The following GRIK2 variants were observed in gnomAD, a reference collection of about 807,000 sequenced individuals.
GRIK2 encodes glutamate ionotropic receptor kainate type subunit 2.
In GRIK2, 32 loss-of-function variants were observed where a neutral mutation model predicts 100.3. That is an observed-to-expected ratio of 0.32 (90% CI 0.24 to 0.43). The LOEUF (loss-of-function observed/expected upper bound fraction) is 0.43. Among genes scored for constraint, GRIK2 ranks in the 20% least tolerant of loss-of-function variants. GRIK2 has a pLI of 1.00. For synonymous variants in GRIK2, 417 were observed against 389.4 expected (o/e 1.07, Z -0.83); for missense variants, 843 against 1,114.9 (o/e 0.76, Z 3.47).
intron 2 of GRIK2, among the ~76,000 whole-genome samples, chr6:101,555,772 A>G (rs545459472): frequency 2.0e-5 from 3 of 152,266 alleles, no homozygotes; most frequent in East Asian, 3.9e-4. Flanking sequence ...TTTTGATTGC[A>G]TTACTCAATT....
chr6:101,685,047 C>T (rs917633452), intron 6 of GRIK2, among the ~76,000 whole-genome samples: 5 of 152,128 alleles, frequency 3.3e-5, no homozygotes, highest in Admixed American at 2.6e-4. Context: ...GTAGCATGTT[C>T]TGAGCCTCAT....
chr6:102,013,416 G>A (rs913398243), intron 14 of GRIK2, among the ~76,000 whole-genome samples: 9 of 151,972 alleles, frequency 5.9e-5, no homozygotes, highest in Non-Finnish European at 1.0e-4. Flanking sequence ...CTACTTGGGT[G>A]TCGTTTATTT....
intron 1 of GRIK2, among the ~76,000 whole-genome samples, chr6:101,397,084 A>G (rs911170115): frequency 7.9e-5 from 12 of 152,178 alleles, no homozygotes; most frequent in Non-Finnish European, 1.8e-4. Flanking sequence ...CATTATATTA[A>G]TGGAATACAT....
At chr6:101,812,908 A>G (rs1220472171) in intron 9 of GRIK2, among the ~76,000 whole-genome samples, 4 of 152,112 alleles carry the variant, frequency 2.6e-5, no homozygotes, top group East Asian at 1.9e-4. Flanking sequence ...AACAAAGTCT[A>G]TGTTCAGAAA....
chr6:101,684,082 G>A (rs920125272), intron 6 of GRIK2, among the ~76,000 whole-genome samples: 2 of 152,156 alleles, frequency 1.3e-5, no homozygotes, highest in African/African-American at 4.8e-5. Context: ...TATTCATGCA[G>A]TAGGATGTAT....
chr6:101,801,771 C>T (rs1402675496), intron 8 of GRIK2, among the ~76,000 whole-genome samples: 1 of 151,756 alleles, frequency 6.6e-6, no homozygotes, highest in Admixed American at 6.6e-5. Context: ...ATTATATTCC[C>T]ATCTCCTCCA....
chr6:101,724,687 G>A (rs369941846), intron 7 of GRIK2, among the ~76,000 whole-genome samples: 7 of 151,970 alleles, frequency 4.6e-5, no homozygotes, highest in African/African-American at 1.7e-4. Flanking sequence ...TAGGTGAGGA[G>A]GCATTAATGA....
intron 16 of GRIK2, among the ~76,000 whole-genome samples, chr6:102,067,634 A>C (rs1163726209): frequency 6.6e-6 from 1 of 151,848 alleles, no homozygotes; most frequent in Admixed American, 6.6e-5. Context: ...AGACAAAAGC[A>C]ACATAGGGTC....
At chr6:101,687,568 A>G (rs1360168214) in intron 7 of GRIK2, among the ~76,000 whole-genome samples, 3 of 151,934 alleles carry the variant, frequency 2.0e-5, no homozygotes, top group Non-Finnish European at 4.4e-5. Context: ...TGATTTTTTT[A>G]TCCTTAGAAG....
At chr6:101,967,918 A>G (rs1792791340) in intron 14 of GRIK2, among the ~76,000 whole-genome samples, 1 of 151,898 alleles carries the variant, frequency 6.6e-6, no homozygotes, top group African/African-American at 2.4e-5. Flanking sequence ...CAACAAACCA[A>G]CAACCCCTCC....
chr6:101,735,824 G>GA (rs1775595431), intron 7 of GRIK2, among the ~76,000 whole-genome samples: 1 of 152,114 alleles, frequency 6.6e-6, no homozygotes, highest in Middle Eastern at 3.2e-3. Flanking sequence ...GTCCCTCAAA[G>GA]TCTTAACTCA....
At chr6:101,653,287 A>G (rs1397725465) in intron 4 of GRIK2, among the ~76,000 whole-genome samples, 2 of 152,018 alleles carry the variant, frequency 1.3e-5, no homozygotes, top group Non-Finnish European at 2.9e-5. Context: ...TTCCCTGGCA[A>G]CACACACTCT....
chr6:102,067,161 A>G (rs988837342), intron 16 of GRIK2, among the ~76,000 whole-genome samples: 1 of 151,724 alleles, frequency 6.6e-6, no homozygotes, highest in Non-Finnish European at 1.5e-5. Context: ...TGTATATATC[A>G]TATATAACGT....
chr6:102,039,604 T>C (rs1008186075), intron 15 of GRIK2, among the ~76,000 whole-genome samples: 6 of 151,506 alleles, frequency 4.0e-5, no homozygotes, highest in Non-Finnish European at 5.9e-5. Flanking sequence ...TTTCTCCTCC[T>C]TAATAGCATT....
intron 2 of GRIK2, among the ~76,000 whole-genome samples, chr6:101,503,982 T>A (rs1199113765): frequency 6.6e-6 from 1 of 152,180 alleles, no homozygotes; most frequent in Non-Finnish European, 1.5e-5. Context: ...CATTGTTTAA[T>A]TCAGAGACTT....
chr6:101,933,291 G>C (rs1790403663), intron 14 of GRIK2, among the ~76,000 whole-genome samples: 1 of 151,770 alleles, frequency 6.6e-6, no homozygotes, highest in Admixed American at 6.6e-5. Flanking sequence ...AAAGTGGTCA[G>C]TACTTTTAAA....
intron 2 of GRIK2, among the ~76,000 whole-genome samples, chr6:101,405,926 T>G (rs77664776): frequency 0.057 from 8,675 of 152,288 alleles, 294 homozygotes; most frequent in Non-Finnish European, 0.068. Context: ...AAAAAAGCTT[T>G]TAAACTTCAG....
intron 14 of GRIK2, among the ~76,000 whole-genome samples, chr6:101,945,699 G>T (rs184389505): frequency 5.7e-4 from 86 of 152,192 alleles, no homozygotes; most frequent in African/African-American, 2.0e-3. Flanking sequence ...TATTTAAAGG[G>T]ATCACAAACA....
rs550455041 is a variant in GRIK2 at position 101,840,882 on chromosome 6, T to G, written c.1318-18405T>G. Among the ~76,000 whole-genome samples, 3 of 152,340 alleles carry G rather than the reference T, an allele frequency of 2.0e-5. No homozygotes were observed. The East Asian group carries it at 5.8e-4, about 29-fold the overall frequency. On this transcript the variant is annotated intron_variant, in intron 10 of 16. Coordinates refer to ENST00000369134, the MANE Select transcript of GRIK2 (RefSeq NM_021956.5). The stretch of plus-strand genomic sequence containing the variant: ...ATTTTTTCACTACTTCATCAGAGGA[T>G]TAATAAAAGAAAGAAATGCTTTCGC...
Sources: gnomAD v4.1 joint callset for allele counts (sites outside exome capture counted in the v4.1 genomes callset) on GRCh38, gnomAD v4.1.1 for gene constraint, MANE v1.5 for transcripts, NCBI Gene and HGNC (gene_info 2026-07-23, HGNC 2026-07-21) for gene names.